SMYD3: variants seen among roughly 807,000 people sequenced by gnomAD.
SMYD3 encodes histone-lysine N-methyltransferase SMYD3.
In SMYD3, 36 loss-of-function variants were observed where a neutral mutation model predicts 57.7. The observed-to-expected ratio is 0.62, with a 90% CI of 0.48 to 0.82. SMYD3 has a LOEUF of 0.82. Among genes scored for constraint, SMYD3 ranks in the 40% least tolerant of loss-of-function variants. The pLI, the probability that SMYD3 is intolerant of heterozygous loss-of-function variation, is 0.00. For missense variants in SMYD3, 515 were observed against 538.8 expected, an observed-to-expected ratio of 0.96 and a Z score of 0.44; for synonymous variants, 211 against 195.0, an observed-to-expected ratio of 1.08 and a Z score of -0.68.
intron 5 of SMYD3, among the ~76,000 whole-genome samples, chr1:246,100,863 G>A (rs2060996589): frequency 6.6e-6 from 1 of 152,070 alleles, no homozygotes; most frequent in Admixed American, 6.6e-5. Flanking sequence ...TTACCATGAG[G>A]AGGATATTAT....
chr1:246,408,745 C>G (rs1463862384), intron 1 of SMYD3, among the ~76,000 whole-genome samples: 7 of 132,712 alleles, frequency 5.3e-5, no homozygotes, highest in Non-Finnish European at 9.2e-5. Context: ...TCTCAGTTCA[C>G]TGCAAACTCT....
intron 2 of SMYD3, among the ~76,000 whole-genome samples, chr1:246,353,928 TA>T (rs2065871748): frequency 6.6e-6 from 1 of 152,206 alleles, no homozygotes; most frequent in Non-Finnish European, 1.5e-5. Flanking sequence ...ATGCCAGAAT[TA>T]GCATGAGAAC....
intron 1 of SMYD3, among the ~76,000 whole-genome samples, chr1:246,414,623 A>C (rs1572479266): frequency 1.4e-5 from 1 of 70,156 alleles, no homozygotes; most frequent in African/African-American, 4.3e-5. Context: ...ACATAAATGC[A>C]CACACACACA....
chr1:246,249,478 T>A (rs2063764640), intron 5 of SMYD3, among the ~76,000 whole-genome samples: 1 of 152,108 alleles, frequency 6.6e-6, no homozygotes, highest in African/African-American at 2.4e-5. Context: ...TATTTCAGGT[T>A]TTAATTCACA....
chr1:245,767,696 G>A (rs2046172590), intron 10 of SMYD3, among the ~76,000 whole-genome samples: 1 of 152,206 alleles, frequency 6.6e-6, no homozygotes. Context: ...GGCCAGCAGA[G>A]GAGGGGAGTG....
At chr1:246,079,156 G>A (rs569242448) in intron 5 of SMYD3, among the ~76,000 whole-genome samples, 4 of 152,176 alleles carry the variant, frequency 2.6e-5, no homozygotes, top group South Asian at 2.1e-4. Flanking sequence ...AGTACACCAC[G>A]CATTTTGGAA....
At chr1:246,084,012 T>C (rs899399784) in intron 5 of SMYD3, among the ~76,000 whole-genome samples, 2 of 152,162 alleles carry the variant, frequency 1.3e-5, no homozygotes, top group Non-Finnish European at 2.9e-5. Context: ...CCAAGGATTT[T>C]TTTTTAATAC....
intron 8 of SMYD3, among the ~76,000 whole-genome samples, chr1:245,867,761 T>G (rs1447408679): frequency 6.6e-6 from 1 of 152,186 alleles, no homozygotes; most frequent in African/African-American, 2.4e-5. Context: ...GAGTTCATTT[T>G]AAACAGGATG....
intron 5 of SMYD3, among the ~76,000 whole-genome samples, chr1:246,303,221 T>C (rs143697888): frequency 6.6e-6 from 1 of 152,276 alleles, no homozygotes; most frequent in Non-Finnish European, 1.5e-5. Flanking sequence ...CTTCACAGAG[T>C]TGCTGTGAGG....
At chr1:246,100,507 C>T (rs2060990287) in intron 5 of SMYD3, among the ~76,000 whole-genome samples, 1 of 152,174 alleles carries the variant, frequency 6.6e-6, no homozygotes, top group Non-Finnish European at 1.5e-5. Flanking sequence ...GATCTGCCTG[C>T]AACCCTTGCT....
intron 5 of SMYD3, among the ~76,000 whole-genome samples, chr1:246,274,734 A>G (rs946637059): frequency 6.6e-6 from 1 of 152,120 alleles, no homozygotes; most frequent in African/African-American, 2.4e-5. Flanking sequence ...TATGACAAAA[A>G]GCACCTTTCT....
rs141344112 is a variant in SMYD3 at position 245,780,087 on chromosome 1, A to C, written c.1077-15938T>G. Reference sequence around the variant, plus strand: ...TACCCTGCTGGTGGGAGTGTAAAATAGTACAGCCACTTTGGAAAATGATCT... The same window carrying C: ...TACCCTGCTGGTGGGAGTGTAAAATCGTACAGCCACTTTGGAAAATGATCT... On this transcript the variant is annotated intron_variant, in intron 10 of 11. Coordinates refer to ENST00000490107, the MANE Select transcript of SMYD3 (RefSeq NM_001167740.2). 3.2e-3 allele frequency among the ~76,000 whole-genome samples: 482 copies of C among 152,328 alleles called. 5 individuals are homozygous for C. The highest frequency in any genetic ancestry group is 0.027 in the Admixed American group (413 of 15,296).
chr1:245,822,311 A>G (rs2148344020), intron 10 of SMYD3, among the ~76,000 whole-genome samples: 1 of 144,176 alleles, frequency 6.9e-6, no homozygotes, highest in Admixed American at 7.2e-5. Context: ...AAAACCAAAC[A>G]CCGCATATTC....
intron 2 of SMYD3, among the ~76,000 whole-genome samples, chr1:246,346,438 T>C (rs557852534): frequency 6.6e-6 from 1 of 151,080 alleles, no homozygotes; most frequent in Non-Finnish European, 1.5e-5. Context: ...AGTACATTCT[T>C]ATGCTGCTAT....
Position 246,224,070 on chromosome 1 carries a change from C to T in SMYD3, c.531+103131G>A, listed in dbSNP as rs938818218. 3.9e-5 allele frequency among the ~76,000 whole-genome samples: 6 copies of T among 152,054 alleles called. No homozygotes were observed. The South Asian group carries it at 1.2e-3, about 32-fold the overall frequency. Reference sequence around the variant, plus strand: ...CTACACACAGGTTTCTTTGGGGGTTCTGTTTTATCTTTTTTCATACACTGC... The same window carrying T: ...CTACACACAGGTTTCTTTGGGGGTTTTGTTTTATCTTTTTTCATACACTGC... On this transcript the variant is annotated intron_variant, in intron 5 of 11. Transcript: ENST00000490107.
rs768007152 is a variant in SMYD3, at chr1:245,915,551, G to C, written c.792C>G (p.Phe264Leu). 1 of 1,613,636 alleles carries C rather than the reference G, an allele frequency of 6.2e-7. No individual in the cohort carries two copies. The highest frequency in any genetic ancestry group is 8.5e-7 in the Non-Finnish European group (1 of 1,179,634). ...RDQYCFECDC[F>L]RCQTQDKDAD... ...ATACCTTGTCCTGGGTTTGGCAACG[G>C]AAACAGTCACATTCAAAGCAGTACT... The change falls in exon 8 of 12, where the codon TTC becomes TTG. Residue 264 changes from phenylalanine (F) to leucine (L), a missense_variant. Physicochemically the swap from Phe to Leu is conservative, Grantham distance 22. Coordinates refer to ENST00000490107, the MANE Select transcript of SMYD3 (RefSeq NM_001167740.2).
chr1:246,321,548 C>T (rs1026883637), intron 5 of SMYD3: 4 of 152,060 alleles, frequency 2.6e-5, no homozygotes, highest in Non-Finnish European at 4.4e-5. Flanking sequence ...GGTCTCACTC[C>T]GTCCCCCAAG....
chr1:246,230,463 G>A (rs1412469349), intron 5 of SMYD3, among the ~76,000 whole-genome samples: 3 of 152,198 alleles, frequency 2.0e-5, no homozygotes, highest in Non-Finnish European at 4.4e-5. Context: ...CCAGGAGTTA[G>A]GCTAGAATGC....
At chr1:246,365,346 T>C (rs2066081069) in intron 1 of SMYD3, among the ~76,000 whole-genome samples, 1 of 150,646 alleles carries the variant, frequency 6.6e-6, no homozygotes, top group African/African-American at 2.4e-5. Flanking sequence ...AATTAAAAAA[T>C]TAGCCAGGCA....
Sources: allele counts gnomAD v4.1 joint callset (sites outside exome capture counted in the v4.1 genomes callset), GRCh38; gene constraint gnomAD v4.1.1; transcripts MANE v1.5; gene names NCBI Gene and HGNC (gene_info 2026-07-23, HGNC 2026-07-21).